Variants in TIAM1 observed in about 807,000 individuals in gnomAD.
TIAM1 encodes TIAM Rac1 associated GEF 1.
TIAM1 carries 65 observed loss-of-function variants against 163.5 expected under a neutral mutation model. The ratio of observed to expected loss-of-function variants is 0.40; its 90% CI spans 0.33 to 0.49. The LOEUF (loss-of-function observed/expected upper bound fraction) is 0.49. TIAM1 is among the 20% of genes least tolerant of loss of function. The pLI, the probability that TIAM1 is intolerant of heterozygous loss-of-function variation, is 0.77. For synonymous variants in TIAM1, 833 were observed against 810.1 expected (o/e 1.03, Z -0.48); for missense variants, 1,789 against 2,044.7 (o/e 0.87, Z 2.41).
chr21:31,267,237 A>T (rs1422969044), intron 3 of TIAM1, among the ~76,000 whole-genome samples: 1 of 152,194 alleles, frequency 6.6e-6, no homozygotes, highest in Non-Finnish European at 1.5e-5. Context: ...TGAGCATCAG[A>T]GAGTTAGACT....
chr21:31,293,206 G>T (rs968619957), intron 2 of TIAM1, among the ~76,000 whole-genome samples: 4 of 152,084 alleles, frequency 2.6e-5, no homozygotes, highest in Non-Finnish European at 5.9e-5. Context: ...GAGACCCAGG[G>T]AAAAAATGAT....
intron 2 of TIAM1, among the ~76,000 whole-genome samples, chr21:31,379,128 C>T (rs1602135810): frequency 6.6e-6 from 1 of 152,170 alleles, no homozygotes; most frequent in South Asian, 2.1e-4. Context: ...CCCGCCACCA[C>T]ACCCGGCTAA....
In TIAM1 at chr21:31,163,971, C is replaced by A. The variant is rs116396860; in HGVS notation, c.2991+991G>T. ...AAATCACACGCAATTGCTTTTTTTG[C>A]GGGGGCAGTGTCGTTTGGATTCAGG... On this transcript the variant is annotated intron_variant, in intron 16 of 27. Coordinates refer to ENST00000541036, the MANE Select transcript of TIAM1 (RefSeq NM_001353694.2). 3.5e-3 allele frequency among the ~76,000 whole-genome samples: 534 copies of A among 152,118 alleles called. 7 individuals are homozygous for A. Among genetic ancestry groups the A allele is most frequent in the African/African-American group, 0.012 (502 of 41,552 alleles).
At chr21:31,448,855 C>A (rs1038616790) in intron 2 of TIAM1, among the ~76,000 whole-genome samples, 4 of 152,156 alleles carry the variant, frequency 2.6e-5, no homozygotes, top group African/African-American at 9.7e-5. Flanking sequence ...AAGTGGAGAT[C>A]CCTGGCATCT....
At chr21:31,521,629 C>G (rs763422099) in intron 1 of TIAM1, among the ~76,000 whole-genome samples, 65 of 151,936 alleles carry the variant, frequency 4.3e-4, no homozygotes, top group Non-Finnish European at 6.0e-4. Context: ...CCCAGCTATT[C>G]AGGAAGCTGA....
intron 1 of TIAM1, among the ~76,000 whole-genome samples, chr21:31,481,564 G>C (rs1025773684): frequency 6.6e-6 from 1 of 152,074 alleles, no homozygotes; most frequent in African/African-American, 2.4e-5. Context: ...TACAAATTCT[G>C]GGGTTCCCAT....
At chr21:31,345,789 A>G (rs1029160058), upstream of TIAM1, among the ~76,000 whole-genome samples, 1 of 152,096 alleles carries the variant, frequency 6.6e-6, no homozygotes, top group Admixed American at 6.6e-5. Flanking sequence ...GTCTCTACTA[A>G]AAATACAAAA....
At chr21:31,378,990 G>A (rs2076734097) in intron 2 of TIAM1, among the ~76,000 whole-genome samples, 9 of 152,034 alleles carry the variant, frequency 5.9e-5, no homozygotes, top group Admixed American at 5.9e-4. Flanking sequence ...TTTTTCAATT[G>A]AGATGGAGTC....
chr21:31,521,369 T>G (rs1255569625), intron 1 of TIAM1, among the ~76,000 whole-genome samples: 1 of 152,204 alleles, frequency 6.6e-6, no homozygotes, highest in Non-Finnish European at 1.5e-5. Context: ...ATTAGCTGCA[T>G]GACCCTGGGC....
chr21:31,453,536 T>C (rs376082962), intron 2 of TIAM1, among the ~76,000 whole-genome samples: 30 of 151,704 alleles, frequency 2.0e-4, no homozygotes, highest in African/African-American at 7.0e-4. Context: ...TCTACAAAAA[T>C]GCAAAAATTA....
chr21:31,202,606 T>C (rs2086258778), intron 12 of TIAM1, among the ~76,000 whole-genome samples: 1 of 151,918 alleles, frequency 6.6e-6, no homozygotes, highest in Non-Finnish European at 1.5e-5. Context: ...TACAATAAAA[T>C]AAAAGATTGC....
chr21:31,215,213 A>C (rs773478954), intron 9 of TIAM1, among the ~76,000 whole-genome samples: 2 of 152,128 alleles, frequency 1.3e-5, no homozygotes, highest in Non-Finnish European at 2.9e-5. Context: ...AACAAGTCCA[A>C]ACTGTGAAGT....
At chr21:31,450,526 G>A (rs575051095) in intron 2 of TIAM1, among the ~76,000 whole-genome samples, 5 of 152,084 alleles carry the variant, frequency 3.3e-5, no homozygotes, top group Non-Finnish European at 5.9e-5. Flanking sequence ...CATACCCAAA[G>A]GACCTCAGTG....
At position 31,547,416 on chromosome 21, in the gene TIAM1, G is replaced by A. The variant is rs116063988; in HGVS notation, c.-422+11511C>T. On this transcript the variant is annotated intron_variant, in intron 1 of 28. Coordinates refer to the TIAM1 transcript ENST00000286827. The stretch of plus-strand genomic sequence containing the variant: ...TGAATTGTTTGATACAATTGGTGAG[G>A]TTTCACAGGGCCAAGGTTGCAGGCA... 3.4e-3 allele frequency among the ~76,000 whole-genome samples: 515 copies of A among 152,232 alleles called. 4 individuals are homozygous for A. Among genetic ancestry groups the A allele is most frequent in the African/African-American group, 0.012 (494 of 41,554 alleles).
At chr21:31,281,394 A>G (rs982202074) in intron 2 of TIAM1, among the ~76,000 whole-genome samples, 1 of 152,204 alleles carries the variant, frequency 6.6e-6, no homozygotes, top group African/African-American at 2.4e-5. Context: ...AACATGTAAC[A>G]CTATAAACTA....
At chr21:31,303,256 A>G (rs1282003686) in intron 2 of TIAM1, among the ~76,000 whole-genome samples, 1 of 152,210 alleles carries the variant, frequency 6.6e-6, no homozygotes, top group African/African-American at 2.4e-5. Flanking sequence ...CAAAGTTTTA[A>G]TTATTCAGTT....
intron 1 of TIAM1, among the ~76,000 whole-genome samples, chr21:31,557,576 G>C (rs970105869): frequency 6.6e-6 from 1 of 152,148 alleles, no homozygotes; most frequent in Non-Finnish European, 1.5e-5. Flanking sequence ...TTTGACCTCA[G>C]CGCACAGGCT....
chr21:31,407,474 C>T lies in TIAM1; in HGVS notation c.-369+56509G>A, dbSNP rs573012036. On this transcript the variant is annotated intron_variant, in intron 2 of 28. Coordinates refer to the TIAM1 transcript ENST00000286827. The stretch of plus-strand genomic sequence containing the variant: ...GACCCAGAAGTCTCAACCTCCTCTC[C>T]CAAGCACTACTGCTACCACTGGTGC... Among the ~76,000 whole-genome samples, 28 of 152,150 alleles carry T rather than the reference C, an allele frequency of 1.8e-4. No homozygotes were observed. The South Asian group carries it at 5.8e-3, about 32-fold the overall frequency.
intron 1 of TIAM1, among the ~76,000 whole-genome samples, chr21:31,341,721 A>G (rs1037172128): frequency 6.6e-6 from 1 of 152,254 alleles, no homozygotes; most frequent in African/African-American, 2.4e-5. Flanking sequence ...TGTCAAACAT[A>G]CAAAGACAAA....
Sources: gnomAD v4.1 joint callset for allele counts (sites outside exome capture counted in the v4.1 genomes callset) on GRCh38, gnomAD v4.1.1 for gene constraint, MANE v1.5 for transcripts, NCBI Gene and HGNC (gene_info 2026-07-23, HGNC 2026-07-21) for gene names.